DSCAM: variants seen among roughly 807,000 people sequenced by gnomAD.
The protein encoded by DSCAM is DS cell adhesion molecule.
Under a neutral mutation model 217.7 loss-of-function variants are expected in DSCAM, and 47 were observed. The ratio of observed to expected loss-of-function variants is 0.22; its 90% confidence interval spans 0.17 to 0.28. The LOEUF (loss-of-function observed/expected upper bound fraction) is 0.28, where lower values mean the gene tolerates loss of function less well. Among genes scored for constraint, DSCAM ranks in the 10% least tolerant of loss-of-function variants. The pLI is 1.00. For missense variants in DSCAM, 2,080 were observed against 2,618.3 expected (o/e 0.79, Z 4.49); for synonymous variants, 1,056 against 1,015.3 (o/e 1.04, Z -0.76).
chr21:40,349,231 G>A (rs778245012), intron 5 of DSCAM, among the ~76,000 whole-genome samples: 2 of 151,178 alleles, frequency 1.3e-5, no homozygotes, highest in Non-Finnish European at 2.9e-5. Context: ...GTCCCAAGGT[G>A]GCACTGGTGG....
At chr21:40,241,457 G>T (rs1318665810) in intron 11 of DSCAM, among the ~76,000 whole-genome samples, 2 of 152,156 alleles carry the variant, frequency 1.3e-5, no homozygotes, top group Non-Finnish European at 2.9e-5. Context: ...ATACCAGTCA[G>T]AATAGCTATT....
chr21:40,156,655 C>T (rs1223749428), intron 16 of DSCAM, among the ~76,000 whole-genome samples: 5 of 152,010 alleles, frequency 3.3e-5, no homozygotes, highest in African/African-American at 7.3e-5. Context: ...CAGAAGAAGA[C>T]AGGAAGATGA....
At chr21:40,503,917 G>A (rs1057128049) in intron 3 of DSCAM, among the ~76,000 whole-genome samples, 1 of 152,166 alleles carries the variant, frequency 6.6e-6, no homozygotes, top group Non-Finnish European at 1.5e-5. Flanking sequence ...ATGGTCATGG[G>A]TTATCATTGT....
intron 18 of DSCAM, among the ~76,000 whole-genome samples, chr21:40,137,963 T>C (rs1189078504): frequency 2.0e-5 from 3 of 152,118 alleles, no homozygotes; most frequent in Non-Finnish European, 4.4e-5. Flanking sequence ...AGGAAAATGG[T>C]AACTTTTCAA....
At chr21:40,686,349 C>CCA (rs941990592) in intron 3 of DSCAM, among the ~76,000 whole-genome samples, 4 of 149,676 alleles carry the variant, frequency 2.7e-5, no homozygotes, top group Admixed American at 1.3e-4. Flanking sequence ...ACCCCACATG[C>CCA]CACACACACA....
chr21:40,486,003 C>T (rs557591923), intron 3 of DSCAM, among the ~76,000 whole-genome samples: 1 of 152,124 alleles, frequency 6.6e-6, no homozygotes, highest in Non-Finnish European at 1.5e-5. Flanking sequence ...GTTTTTAAGG[C>T]AGCTTACAAA....
intron 3 of DSCAM, among the ~76,000 whole-genome samples, chr21:40,662,816 C>T (rs1428257729): frequency 6.6e-6 from 1 of 152,192 alleles, no homozygotes; most frequent in African/African-American, 2.4e-5. Context: ...GCATCTTGAT[C>T]TCAGACTTCC....
intron 3 of DSCAM, among the ~76,000 whole-genome samples, chr21:40,532,324 C>G (rs1213048286): frequency 1.3e-5 from 2 of 152,128 alleles, no homozygotes; most frequent in East Asian, 1.9e-4. Flanking sequence ...AAAGATCCAT[C>G]TTTTTCCTCC....
chr21:40,506,433 G>A (rs1214966058), intron 3 of DSCAM, among the ~76,000 whole-genome samples: 2 of 152,172 alleles, frequency 1.3e-5, no homozygotes, highest in African/African-American at 2.4e-5. Context: ...ACAAGCCAAG[G>A]TTGTTTTTAC....
chr21:40,138,048 T>TG (rs1412957123), intron 18 of DSCAM, among the ~76,000 whole-genome samples: 2 of 151,996 alleles, frequency 1.3e-5, no homozygotes, highest in Non-Finnish European at 2.9e-5. Flanking sequence ...TTTCTGACCA[T>TG]GAAAAAAAAA....
At chr21:40,039,212 A>AAGTCT (rs1432322921) in intron 32 of DSCAM, among the ~76,000 whole-genome samples, 2 of 152,010 alleles carry the variant, frequency 1.3e-5, no homozygotes, top group African/African-American at 4.8e-5. Context: ...AGAAAAACTA[A>AAGTCT]AGTCTAACAG....
chr21:40,544,507 T>C (rs1171199092), intron 3 of DSCAM, among the ~76,000 whole-genome samples: 2 of 151,848 alleles, frequency 1.3e-5, no homozygotes, highest in Non-Finnish European at 2.9e-5. Flanking sequence ...CACAGAGACA[T>C]AGAGAAGAAC....
chr21:40,609,163 C>T (rs759803223), intron 3 of DSCAM, among the ~76,000 whole-genome samples: 1 of 152,108 alleles, frequency 6.6e-6, no homozygotes, highest in Non-Finnish European at 1.5e-5. Flanking sequence ...CCATGTTGCC[C>T]AGGCTGGACT....
chr21:40,087,873 C>G (rs2089552963), intron 21 of DSCAM, among the ~76,000 whole-genome samples: 2 of 152,194 alleles, frequency 1.3e-5, no homozygotes, highest in African/African-American at 4.8e-5. Context: ...GGAGCATCTG[C>G]CAGGGGCATC....
At chr21:40,244,662 A>G (rs2073198515) in intron 11 of DSCAM, among the ~76,000 whole-genome samples, 1 of 152,028 alleles carries the variant, frequency 6.6e-6, no homozygotes, top group African/African-American at 2.4e-5. Context: ...CTTCTGCTTC[A>G]TGGTCCCTCA....
intron 3 of DSCAM, among the ~76,000 whole-genome samples, chr21:40,468,539 G>A (rs1452432481): frequency 6.6e-6 from 1 of 152,098 alleles, no homozygotes; most frequent in African/African-American, 2.4e-5. Context: ...ACACAGGATT[G>A]GGGAGGGGGA....
chr21:40,025,371 T>C (rs1382451038), intron 32 of DSCAM, among the ~76,000 whole-genome samples: 1 of 143,426 alleles, frequency 7.0e-6, no homozygotes, highest in Non-Finnish European at 1.5e-5. Context: ...GGTATCAGAA[T>C]GATGCTGGCC....
chr21:40,686,230 G>C (rs201376991), intron 3 of DSCAM, among the ~76,000 whole-genome samples: 1 of 20,010 alleles, frequency 5.0e-5, no homozygotes, highest in Admixed American at 6.0e-4. Context: ...CACACACACA[G>C]AGCTCACACA....
chr21:40,472,229 G>A (rs2075895091), intron 3 of DSCAM, among the ~76,000 whole-genome samples: 1 of 152,178 alleles, frequency 6.6e-6, no homozygotes, highest in South Asian at 2.1e-4. Context: ...ATGTGTCTGT[G>A]CATAAATACG....
Sources: gnomAD v4.1 joint callset for allele counts (sites outside exome capture counted in the v4.1 genomes callset) on GRCh38, gnomAD v4.1.1 for gene constraint, MANE v1.5 for transcripts, NCBI Gene and HGNC (gene_info 2026-07-23, HGNC 2026-07-21) for gene names.